The following SLC35F1 variants were observed in gnomAD, a reference collection of about 807,000 sequenced individuals.
The protein encoded by SLC35F1 is solute carrier family 35 member F1.
Under a neutral mutation model 48.7 loss-of-function variants are expected in SLC35F1, and 14 were observed. The observed-to-expected ratio is 0.29, with a 90% CI of 0.19 to 0.45. SLC35F1 has a LOEUF of 0.45. SLC35F1 is among the 20% of genes least tolerant of loss of function. The pLI, the probability that SLC35F1 is intolerant of heterozygous loss-of-function variation, is 1.00. For missense variants in SLC35F1, 404 were observed against 500.0 expected (o/e 0.81, Z 1.83); for synonymous variants, 190 against 202.2 (o/e 0.94, Z 0.51).
Position 118,226,972 on chromosome 6 carries a change from TATCA to T in SLC35F1, c.350-8530_350-8527del, listed in dbSNP as rs1187848833. Among the ~76,000 whole-genome samples, 30 of 150,618 alleles carry T rather than the reference TATCA, an allele frequency of 2.0e-4. No individual in the cohort carries two copies. In the East Asian group the frequency reaches 2.2e-3, roughly 11 times the overall value. On this transcript the variant is annotated intron_variant, in intron 2 of 7. Coordinates refer to ENST00000360388, the MANE Select transcript of SLC35F1 (RefSeq NM_001029858.4). ...CCCCAAAATATGTACATCTAATATG[TATCA>T]ATCAATAAATAAATTAATTAAAAAG...
intron 1 of SLC35F1, among the ~76,000 whole-genome samples, chr6:117,916,342 TA>T (rs1301370154): frequency 1.3e-5 from 2 of 152,208 alleles, no homozygotes; most frequent in African/African-American, 4.8e-5. Flanking sequence ...TATGAATTGT[TA>T]AAAAACGGGT....
intron 2 of SLC35F1, among the ~76,000 whole-genome samples, chr6:118,173,837 A>G (rs915057277): frequency 2.6e-5 from 4 of 152,188 alleles, no homozygotes; most frequent in Non-Finnish European, 5.9e-5. Flanking sequence ...TCAAAAGCCC[A>G]AATAACAGCT....
At chr6:117,911,688 C>T (rs1057184080) in intron 1 of SLC35F1, among the ~76,000 whole-genome samples, 7 of 152,048 alleles carry the variant, frequency 4.6e-5, no homozygotes, top group African/African-American at 1.7e-4. Flanking sequence ...TCAAGTCACC[C>T]TCCCACCTTG....
intron 1 of SLC35F1, among the ~76,000 whole-genome samples, chr6:117,937,423 C>A (rs1776174997): frequency 6.6e-6 from 1 of 152,152 alleles, no homozygotes; most frequent in Non-Finnish European, 1.5e-5. Flanking sequence ...TTTAAAAGTT[C>A]ATCTTTCAAA....
chr6:118,148,774 C>T lies in SLC35F1; in HGVS notation c.174-5671C>T, dbSNP rs539814015. Among the ~76,000 whole-genome samples the T allele has an allele frequency of 1.7e-4, 26 of 152,252 alleles. 1 individual carries two copies. The highest frequency in any genetic ancestry group is 5.1e-4 in the African/African-American group (21 of 41,554). The stretch of plus-strand genomic sequence containing the variant: ...ACAGCTCGCTGTACAAAATTCCAAC[C>T]GGCACCATATTTAGCATCATTTTTG... On this transcript the variant is annotated intron_variant, in intron 1 of 7. Transcript: ENST00000360388.
chr6:118,152,783 T>G (rs890533271), intron 1 of SLC35F1, among the ~76,000 whole-genome samples: 3 of 152,204 alleles, frequency 2.0e-5, no homozygotes, highest in African/African-American at 7.2e-5. Flanking sequence ...TGCCTCCCTT[T>G]GGCAGAGCAG....
intron 1 of SLC35F1, among the ~76,000 whole-genome samples, chr6:118,099,746 G>A (rs1400421719): frequency 6.6e-6 from 1 of 152,162 alleles, no homozygotes; most frequent in Admixed American, 6.5e-5. Flanking sequence ...TTTCCACCTT[G>A]TGCATCCTGC....
In SLC35F1 at chr6:118,039,262, C is replaced by G. The variant is rs143847144; in HGVS notation, c.174-115183C>G. Among the ~76,000 whole-genome samples, 1,159 of 151,964 alleles carry G rather than the reference C, an allele frequency of 7.6e-3. 12 individuals are homozygous for G. Among genetic ancestry groups the G allele is most frequent in the Middle Eastern group, 0.024 (7 of 294 alleles). On this transcript the variant is annotated intron_variant, in intron 1 of 7. Transcript: ENST00000360388. ...TTTATATGTAACATATCATTTTTCT[C>G]TAGTTCATGTCAAGATTTTTTTTTC... is the stretch of plus-strand genomic sequence containing the variant.
rs1171783598 is a variant in SLC35F1 at position 118,231,141 on chromosome 6, A to G, written c.350-4368A>G. Among the ~76,000 whole-genome samples, 4 of 152,204 alleles carry G rather than the reference A, an allele frequency of 2.6e-5. No homozygotes were observed. In the South Asian group the frequency reaches 6.2e-4, roughly 24 times the overall value. On this transcript the variant is annotated intron_variant, in intron 2 of 7. Transcript: ENST00000360388. ...AATAAAGATCTGAGAAAAACACAGCAAACTGTTAACATTTATTAAATCAGG... is the reference window on the plus strand; with the variant it reads ...AATAAAGATCTGAGAAAAACACAGCGAACTGTTAACATTTATTAAATCAGG...
At chr6:118,048,728 G>C (rs1231220327) in intron 1 of SLC35F1, among the ~76,000 whole-genome samples, 2 of 152,162 alleles carry the variant, frequency 1.3e-5, no homozygotes, top group Non-Finnish European at 2.9e-5. Context: ...ACAAACAAAT[G>C]GAAGAACATT....
chr6:118,295,063 AG>A (rs1422325400), intron 7 of SLC35F1, among the ~76,000 whole-genome samples: 1 of 152,104 alleles, frequency 6.6e-6, no homozygotes, highest in Non-Finnish European at 1.5e-5. Context: ...ACATCCTATG[AG>A]GACAGGTGTA....
intron 1 of SLC35F1, among the ~76,000 whole-genome samples, chr6:118,138,383 G>GT (rs1021007735): frequency 1.5e-4 from 22 of 151,578 alleles, no homozygotes; most frequent in Non-Finnish European, 1.0e-4. Context: ...GCCTCAATAC[G>GT]TTTTTTTACT....
At chr6:118,034,164 T>C (rs1036662144) in intron 1 of SLC35F1, among the ~76,000 whole-genome samples, 55 of 152,212 alleles carry the variant, frequency 3.6e-4, no homozygotes, top group Admixed American at 1.7e-3. Flanking sequence ...GTAAATATTT[T>C]AGGCTTTGTG....
Position 117,914,429 on chromosome 6 carries a change from G to C in SLC35F1, c.173+6530G>C, listed in dbSNP as rs1336578066. Among the ~76,000 whole-genome samples the C allele has an allele frequency of 2.0e-5, 3 of 152,092 alleles. No homozygotes were observed. In the East Asian group the frequency reaches 5.8e-4, roughly 29 times the overall value. On this transcript the variant is annotated intron_variant, in intron 1 of 7. Transcript: ENST00000360388. ...TTATATACAGATTTAGAGTGACAGG[G>C]CTACAATTTGTGATCATATCTGAGT...
At chr6:118,113,823 G>C (rs746831749) in intron 1 of SLC35F1, among the ~76,000 whole-genome samples, 1 of 152,174 alleles carries the variant, frequency 6.6e-6, no homozygotes, top group African/African-American at 2.4e-5. Flanking sequence ...TAGTTGTCCA[G>C]TATGGTTTAA....
chr6:118,172,734 G>T (rs1774424780), intron 2 of SLC35F1, among the ~76,000 whole-genome samples: 1 of 152,100 alleles, frequency 6.6e-6, no homozygotes, highest in African/African-American at 2.4e-5. Context: ...ATATGAATTT[G>T]TAATTGTGGT....
chr6:118,013,017 C>A (rs901989628), intron 1 of SLC35F1, among the ~76,000 whole-genome samples: 4 of 152,244 alleles, frequency 2.6e-5, no homozygotes, highest in Non-Finnish European at 5.9e-5. Context: ...CCCCTACCCC[C>A]ACCAGAGAAC....
chr6:118,258,659 T>G (rs1393373298), intron 3 of SLC35F1, among the ~76,000 whole-genome samples: 1 of 151,970 alleles, frequency 6.6e-6, no homozygotes, highest in East Asian at 1.9e-4. Context: ...AAAAATGCAT[T>G]GGTAAAGCTA....
chr6:118,033,613 G>GT (rs11350721), intron 1 of SLC35F1, among the ~76,000 whole-genome samples: 4 of 145,004 alleles, frequency 2.8e-5, no homozygotes, highest in African/African-American at 5.0e-5. Context: ...ATTCACACTA[G>GT]TTTTTTTTTT....
Sources: allele counts gnomAD v4.1 joint callset (sites outside exome capture counted in the v4.1 genomes callset), GRCh38; gene constraint gnomAD v4.1.1; transcripts MANE v1.5; gene names NCBI Gene and HGNC (gene_info 2026-07-23, HGNC 2026-07-21).